CAMK2D: variants seen among roughly 807,000 people sequenced by gnomAD.
CAMK2D encodes calcium/calmodulin-dependent protein kinase type II subunit delta.
In CAMK2D, 37 loss-of-function variants were observed where a neutral mutation model predicts 84.0. The observed-to-expected ratio is 0.44, with a 90% CI of 0.34 to 0.58. The LOEUF (loss-of-function observed/expected upper bound fraction) is 0.58, where lower values mean the gene tolerates loss of function less well. Among genes scored for constraint, CAMK2D ranks in the 20% least tolerant of loss-of-function variants. CAMK2D has a pLI of 0.02. For missense variants in CAMK2D, 448 were observed against 652.5 expected, an observed-to-expected ratio of 0.69 and a Z score of 3.41; for synonymous variants, 202 against 212.5, an observed-to-expected ratio of 0.95 and a Z score of 0.43.
chr4:113,683,341 C>T (rs1365299228), intron 2 of CAMK2D, among the ~76,000 whole-genome samples: 1 of 152,052 alleles, frequency 6.6e-6, no homozygotes, highest in East Asian at 1.9e-4. Flanking sequence ...GACAGGGCAC[C>T]GCAGAGCAGC....
At chr4:113,466,287 TATA>T (rs1564431653) in intron 16 of CAMK2D, among the ~76,000 whole-genome samples, 2 of 149,196 alleles carry the variant, frequency 1.3e-5, no homozygotes, top group African/African-American at 4.9e-5. Context: ...AATAAATAAA[TATA>T]AAATAAAATA....
intron 2 of CAMK2D, among the ~76,000 whole-genome samples, chr4:113,690,184 T>G (rs149970145): frequency 1.8e-4 from 28 of 152,134 alleles, no homozygotes; most frequent in Non-Finnish European, 2.4e-4. Flanking sequence ...AAAAGAAAAT[T>G]CTTGAACAAT....
At chr4:113,694,432 C>T (rs2099396986) in intron 2 of CAMK2D, among the ~76,000 whole-genome samples, 1 of 152,072 alleles carries the variant, frequency 6.6e-6, no homozygotes, top group South Asian at 2.1e-4. Context: ...CTAAAAAATG[C>T]TTTATCTATG....
chr4:113,744,409 A>C (rs2099599844), intron 2 of CAMK2D, among the ~76,000 whole-genome samples: 1 of 152,106 alleles, frequency 6.6e-6, no homozygotes, highest in African/African-American at 2.4e-5. Flanking sequence ...AATTCTGAAC[A>C]TTACTAGCCA....
Position 113,761,223 on chromosome 4 carries a change from G to T in CAMK2D, c.-155C>A. ...CTCGCCCGCGAGGGAGTGTGCGCAG[G>T]GGCGGGGCGGGAGGGGAGATGACCA... On this transcript the variant is annotated 5_prime_UTR_variant, in exon 1 of 21. Transcript: ENST00000511664. 1 of 1,503,158 alleles carries T rather than the reference G, an allele frequency of 6.7e-7. No individual in the cohort carries two copies. The highest frequency in any genetic ancestry group is 8.8e-7 in the Non-Finnish European group (1 of 1,130,022). The allele number at this position is 1,503,158 out of a possible 1,614,324, so 93.1% of individuals were successfully genotyped here. A position where few individuals can be genotyped will look rare whatever the true frequency, so the allele number is the denominator to read the frequency against.
intron 3 of CAMK2D, among the ~76,000 whole-genome samples, chr4:113,636,835 G>T (rs2099111628): frequency 6.6e-6 from 1 of 152,112 alleles, no homozygotes; most frequent in African/African-American, 2.4e-5. Flanking sequence ...TTCAACATAT[G>T]AATTGGGGAG....
At chr4:113,709,782 T>TATATATAA (rs1561971636) in intron 2 of CAMK2D, among the ~76,000 whole-genome samples, 1 of 127,274 alleles carries the variant, frequency 7.9e-6, no homozygotes, top group Admixed American at 8.2e-5. Flanking sequence ...TATATATATA[T>TATATATAA]GAGAGACTTC....
intron 17 of CAMK2D, among the ~76,000 whole-genome samples, chr4:113,464,712 T>C (rs1452174877): frequency 6.6e-6 from 1 of 152,208 alleles, no homozygotes; most frequent in African/African-American, 2.4e-5. Context: ...TTCCTTAAGA[T>C]ACAAACATAT....
chr4:113,458,721 T>C (rs2097334993), intron 18 of CAMK2D, among the ~76,000 whole-genome samples: 2 of 152,178 alleles, frequency 1.3e-5, no homozygotes, highest in African/African-American at 4.8e-5. Context: ...CTAATGCATA[T>C]AAGAAAAAGT....
intron 6 of CAMK2D, among the ~76,000 whole-genome samples, chr4:113,542,607 C>T (rs1457488747): frequency 6.6e-6 from 1 of 151,514 alleles, no homozygotes; most frequent in Non-Finnish European, 1.5e-5. Flanking sequence ...CCCAGCTACT[C>T]GGGAGGCTGA....
chr4:113,544,748 C>T (rs2154193835), intron 6 of CAMK2D, among the ~76,000 whole-genome samples: 1 of 152,236 alleles, frequency 6.6e-6, no homozygotes, highest in South Asian at 2.1e-4. Flanking sequence ...TTTATCACCA[C>T]CACTAGATCC....
intron 20 of CAMK2D, 105 bp from the exon 21 acceptor site, chr4:113,454,620 T>C: frequency 2.8e-6 from 2 of 708,588 alleles, no homozygotes; most frequent in Non-Finnish European, 5.3e-6. Context: ...ATAACTTGGC[T>C]AACAAATAGA....
intron 4 of CAMK2D, among the ~76,000 whole-genome samples, chr4:113,571,463 G>A (rs142736139): frequency 1.0e-3 from 159 of 152,208 alleles, no homozygotes; most frequent in African/African-American, 3.6e-3. Context: ...TTAAAAAGAA[G>A]GGAATCTTGT....
At chr4:113,480,182 C>T (rs917283546) in intron 16 of CAMK2D, among the ~76,000 whole-genome samples, 8 of 152,012 alleles carry the variant, frequency 5.3e-5, no homozygotes, top group African/African-American at 7.2e-5. Context: ...AGGCTTGTCT[C>T]GAACTCCTGA....
intron 3 of CAMK2D, among the ~76,000 whole-genome samples, chr4:113,637,571 C>T (rs960790966): frequency 3.3e-5 from 5 of 152,114 alleles, no homozygotes; most frequent in Non-Finnish European, 5.9e-5. Context: ...AAGCTAAATG[C>T]AATCTTTTGT....
At chr4:113,707,802 C>T (rs1224693611) in intron 2 of CAMK2D, among the ~76,000 whole-genome samples, 1 of 152,124 alleles carries the variant, frequency 6.6e-6, no homozygotes, top group Non-Finnish European at 1.5e-5. Flanking sequence ...AATGCTTCAG[C>T]TCTCTAGTGG....
At chr4:113,500,578 G>GCATGATATGTAT in intron 15 of CAMK2D, 67 bp from the exon 16 acceptor site, 1 of 1,057,642 alleles carries the variant, frequency 9.5e-7, no homozygotes, top group Non-Finnish European at 1.4e-6. Context: ...CTTAAAAATT[G>GCATGATATGTAT]GCTAGTGACA....
intron 6 of CAMK2D, among the ~76,000 whole-genome samples, chr4:113,545,601 C>T (rs1281128913): frequency 6.6e-6 from 1 of 152,106 alleles, no homozygotes; most frequent in Non-Finnish European, 1.5e-5. Flanking sequence ...GGATTTGGCA[C>T]GTTCAAGAGG....
chr4:113,724,152 T>C (rs935970900), intron 2 of CAMK2D, among the ~76,000 whole-genome samples: 7 of 152,140 alleles, frequency 4.6e-5, no homozygotes, highest in East Asian at 3.8e-4. Context: ...CTTCATAAAA[T>C]GAAATAGAAA....
Sources: allele counts gnomAD v4.1 joint callset (sites outside exome capture counted in the v4.1 genomes callset), GRCh38; gene constraint gnomAD v4.1.1; transcripts MANE v1.5; gene names NCBI Gene and HGNC (gene_info 2026-07-23, HGNC 2026-07-21).